USP8: variants seen among roughly 807,000 people sequenced by gnomAD.
The protein encoded by USP8 is ubiquitin specific peptidase 8.
USP8 carries 27 observed loss-of-function variants against 130.0 expected under a neutral mutation model. That is an observed-to-expected ratio of 0.21 (90% CI 0.15 to 0.29). USP8 has a LOEUF of 0.29. Among genes scored for constraint, USP8 ranks in the 10% least tolerant of loss-of-function variants. USP8 has a pLI of 1.00. For synonymous variants in USP8, 392 were observed against 444.1 expected, an observed-to-expected ratio of 0.88 and a Z score of 1.48; for missense variants, 1,029 against 1,312.2, an observed-to-expected ratio of 0.78 and a Z score of 3.33.
In USP8 at chr15:50,454,161, G is replaced by A. The variant is rs79812950; in HGVS notation, c.335+4676G>A. 3.5e-3 allele frequency among the ~76,000 whole-genome samples: 531 copies of A among 152,196 alleles called. 15 individuals carry two copies. In the East Asian group the frequency reaches 0.065, roughly 19 times the overall value. On this transcript the variant is annotated intron_variant, in intron 4 of 19. Coordinates refer to ENST00000307179, the MANE Select transcript of USP8 (RefSeq NM_005154.5). Reference sequence around the variant, plus strand: ...TCACAGGCGTGAGCTACCACACCCCGCCCTCATCTTCATTCTTAAGGGATT... The same window carrying A: ...TCACAGGCGTGAGCTACCACACCCCACCCTCATCTTCATTCTTAAGGGATT...
rs775483439 is a variant in USP8, at chr15:50,476,862, C to T, written c.863C>T (p.Thr288Ile). The change falls in exon 9 of 20, where the codon ACT becomes ATT. Residue 288 changes from threonine (T) to isoleucine (I), a missense_variant. Thr to Ile is a moderately conservative substitution (Grantham distance 89). Around this residue, in one of 4 missense-constraint regions of USP8, gnomAD observed 281 missense variants for 336.7 expected, o/e 0.83. Transcript: ENST00000307179. ...KDALFKWESK[T>I]VLRNEPLVLE... is the part of the protein sequence containing the mutation. ...CCTTATTTATAGTGGGAAAGTAAAACTGTCCTGCGCAATGAGCCTTTGGTT... is the reference window on the plus strand; with the variant it reads ...CCTTATTTATAGTGGGAAAGTAAAATTGTCCTGCGCAATGAGCCTTTGGTT... The T allele has an allele frequency of 1.3e-6, 2 of 1,566,188 alleles. No individual in the cohort carries two copies. Among genetic ancestry groups the T allele is most frequent in the Non-Finnish European group, 1.7e-6 (2 of 1,166,532 alleles).
At position 50,494,056 on chromosome 15, in the gene USP8, T is replaced by TTTTA; in HGVS notation, c.2448-10_2448-7dup. On this transcript the variant is annotated splice_polypyrimidine_tract_variant and intron_variant, in intron 15 of 19. Coordinates refer to ENST00000307179, the MANE Select transcript of USP8 (RefSeq NM_005154.5). ...TTCCTTTATTGTCTTTTGTAACAAC[T>TTTTA]TTTATTTGCACAGGTCAAATTTGTT... is the stretch of plus-strand genomic sequence containing the variant. 6.3e-7 allele frequency: 1 copy of TTTTA among 1,595,808 alleles called. No individual in the cohort carries two copies. Among genetic ancestry groups the TTTTA allele is most frequent in the Non-Finnish European group, 8.5e-7 (1 of 1,173,898 alleles).
chr15:50,496,480 T>TAAAAAA (rs35899607), intron 17 of USP8, among the ~76,000 whole-genome samples: 1 of 116,500 alleles, frequency 8.6e-6, no homozygotes, highest in African/African-American at 3.3e-5. Context: ...GACTCCGTCT[T>TAAAAAA]AAAAAAAAAA....
At chr15:50,465,742 C>T (rs1281402834) in intron 7 of USP8, among the ~76,000 whole-genome samples, 1 of 152,208 alleles carries the variant, frequency 6.6e-6, no homozygotes, top group African/African-American at 2.4e-5. Context: ...TACTGTGATA[C>T]ACGCTACACA....
rs12443030 is a variant in USP8 at position 50,430,893 on chromosome 15, C to T, written c.-66+6379C>T. On this transcript the variant is annotated intron_variant, in intron 1 of 19. Transcript: ENST00000307179. ...ATTTTGCCTTCCAGGACACATTCGG[C>T]AATGACTGTAGACAGTTTTGGTTGT... Among the ~76,000 whole-genome samples, 931 of 152,280 alleles carry T rather than the reference C, an allele frequency of 6.1e-3. 5 individuals carry two copies. Among genetic ancestry groups the T allele is most frequent in the Admixed American group, 0.024 (371 of 15,280 alleles).
Position 50,449,391 on chromosome 15 carries a change from T to C in USP8, c.250-9T>C. ...CTAACAATATGGGATGGTTTTCCTATAATTTTAGGATTATTTCCATTCAAT... is the reference window on the plus strand; with the variant it reads ...CTAACAATATGGGATGGTTTTCCTACAATTTTAGGATTATTTCCATTCAAT... On this transcript the variant is annotated splice_polypyrimidine_tract_variant and intron_variant, in intron 3 of 19. Coordinates refer to ENST00000307179, the MANE Select transcript of USP8 (RefSeq NM_005154.5). 1 of 1,554,520 alleles carries C rather than the reference T, an allele frequency of 6.4e-7. No individual in the cohort carries two copies. Among genetic ancestry groups the C allele is most frequent in the Non-Finnish European group, 8.7e-7 (1 of 1,148,592 alleles).
chr15:50,466,196 T>G (rs2051183201), intron 7 of USP8, among the ~76,000 whole-genome samples: 1 of 152,240 alleles, frequency 6.6e-6, no homozygotes, highest in Admixed American at 6.5e-5. Context: ...TAAAATTATA[T>G]ATTTTTAAAA....
intron 2 of USP8, 59 bp downstream of exon 2, chr15:50,439,236 A>G: frequency 9.0e-7 from 1 of 1,117,172 alleles, no homozygotes; most frequent in Non-Finnish European, 1.2e-6. Context: ...GTTCGTTTCC[A>G]TATTAAAGTT....
intron 4 of USP8, among the ~76,000 whole-genome samples, chr15:50,457,645 C>G (rs536772245): frequency 3.1e-4 from 47 of 150,018 alleles, no homozygotes; most frequent in African/African-American, 1.1e-3. Flanking sequence ...GGTGGGTCAC[C>G]TGAGGTTAGG....
At chr15:50,462,240 T>C in intron 5 of USP8, 40 bp from the exon 6 acceptor site, 1 of 1,565,008 alleles carries the variant, frequency 6.4e-7, no homozygotes, top group Non-Finnish European at 8.7e-7. Context: ...ATTTTTTGTG[T>C]CTATGAAAGT....
chr15:50,494,078 T>G lies in USP8; in HGVS notation c.2456T>G (p.Leu819Trp). 6.2e-7 allele frequency: 1 copy of G among 1,605,578 alleles called. No homozygotes were observed. Among genetic ancestry groups the G allele is most frequent in the Admixed American group, 1.7e-5 (1 of 58,172 alleles). ...CYQDDINRSN[L>W]LGHKGEVAEE... ...AACTTTTATTTGCACAGGTCAAATT[T>G]GTTGGGGCATAAAGGTGAAGTGGCA... Residue 819 changes from leucine to tryptophan, a missense_variant, in exon 16 of 20, where the codon TTG (leucine) becomes TGG (tryptophan). Transcript: ENST00000307179.
intron 4 of USP8, among the ~76,000 whole-genome samples, chr15:50,453,829 CATT>C (rs929515868): frequency 7.3e-6 from 1 of 137,192 alleles, no homozygotes; most frequent in Non-Finnish European, 1.6e-5. Context: ...ACCTTTTTAT[CATT>C]ATGTCCCTCT....
At position 50,511,651 on chromosome 15, in the gene USP8, T is replaced by A. The variant is rs2052740059; in HGVS notation, c.*12563T>A. On this transcript the variant is annotated 3_prime_UTR_variant, in exon 20 of 20. Transcript: ENST00000307179. ...TGAAACTTGAAAACATTATGCTGAA[T>A]AAAAGAAAATAAAAACAGAAGGTCA... 2.0e-5 allele frequency: 3 copies of A among 152,168 alleles called. No homozygotes were observed. Among genetic ancestry groups the A allele is most frequent in the African/African-American group, 7.2e-5 (3 of 41,428 alleles). The allele number at this position is 152,168 out of a possible 1,614,324, so 9.4% of individuals were successfully genotyped here. A position where few individuals can be genotyped will look rare whatever the true frequency, so the allele number is the denominator to read the frequency against.
rs749800092 is a variant in USP8 at position 50,471,809 on chromosome 15, A to G, written c.849+14A>G. 3.1e-6 allele frequency: 5 copies of G among 1,613,004 alleles called. No individual in the cohort carries two copies. Among genetic ancestry groups the G allele is most frequent in the Non-Finnish European group, 3.4e-6 (4 of 1,179,608 alleles). On this transcript the variant is annotated intron_variant, in intron 8 of 19. Coordinates refer to ENST00000307179, the MANE Select transcript of USP8 (RefSeq NM_005154.5). ...GCACTTTTCAAGGTTTGCAAGTTTC[A>G]TTGTTAGTTTATTGTAATTGCAGGG... is the stretch of plus-strand genomic sequence containing the variant.
intron 3 of USP8, among the ~76,000 whole-genome samples, chr15:50,445,372 C>A (rs1287854389): frequency 6.7e-6 from 1 of 148,700 alleles, no homozygotes; most frequent in Non-Finnish European, 1.5e-5. Context: ...ATGGTGAAAC[C>A]CCATCTCTAC....
chr15:50,424,733 G>A, intron 1 of USP8: 1 of 376,582 alleles, frequency 2.7e-6, no homozygotes. Flanking sequence ...AGCGAGTTTC[G>A]TGTGTTTTTT....
At chr15:50,476,085 T>C (rs932707417) in intron 8 of USP8, among the ~76,000 whole-genome samples, 2 of 152,106 alleles carry the variant, frequency 1.3e-5, no homozygotes, top group African/African-American at 4.8e-5. Flanking sequence ...TATAATTAAA[T>C]GGGGAAAAAA....
At position 50,512,219 on chromosome 15, in the gene USP8, T is replaced by A. The variant is rs138231367; in HGVS notation, c.*13131T>A. On this transcript the variant is annotated 3_prime_UTR_variant, in exon 20 of 20. Coordinates refer to ENST00000307179, the MANE Select transcript of USP8 (RefSeq NM_005154.5). ...AAAATACACCTGTAGTCCCAGCTAC[T>A]CGGGAGGCTGAGTTACGAGAATCCC... 6.6e-6 allele frequency: 1 copy of A among 151,722 alleles called. No individual in the cohort carries two copies. Among genetic ancestry groups the A allele is most frequent in the East Asian group, 2.0e-4 (1 of 5,120 alleles). The allele number at this position is 151,722 out of a possible 1,614,324, so 9.4% of individuals were successfully genotyped here. A position where few individuals can be genotyped will look rare whatever the true frequency, so the allele number is the denominator to read the frequency against.
intron 4 of USP8, among the ~76,000 whole-genome samples, chr15:50,451,710 C>T (rs1307522420): frequency 6.6e-6 from 1 of 152,170 alleles, no homozygotes; most frequent in African/African-American, 2.4e-5. Flanking sequence ...TTTAGAGCAA[C>T]CCTGTGTGAA....
Sources: allele counts gnomAD v4.1 joint callset (sites outside exome capture counted in the v4.1 genomes callset), GRCh38; gene constraint gnomAD v4.1.1; regional missense constraint gnomAD v4.1.1; transcripts MANE v1.5; gene names NCBI Gene and HGNC (gene_info 2026-07-23, HGNC 2026-07-21).